KIF5C: variants seen among roughly 807,000 people sequenced by gnomAD.
KIF5C encodes kinesin family member 5C, also known as kinesin heavy chain isoform 5C.
Under a neutral mutation model 125.2 loss-of-function variants are expected in KIF5C, and 18 were observed. The observed-to-expected ratio is 0.14, with a 90% confidence interval of 0.10 to 0.21. KIF5C has a LOEUF of 0.21. Ranked by LOEUF, KIF5C falls within the 10% of genes least tolerant of loss-of-function variation. The probability of loss-of-function intolerance (pLI) is 1.00; values close to 1 mark genes in which losing one functional copy is unlikely to be tolerated. For synonymous variants in KIF5C, 405 were observed against 434.0 expected (o/e 0.93, Z 0.83); for missense variants, 780 against 1,183.8 (o/e 0.66, Z 5.01).
In KIF5C at chr2:148,924,862, C is replaced by A. The variant is rs1681929377; in HGVS notation, c.217+2635C>A. ...TTAAAATTCATTCATTCAGTTGTTT[C>A]TTTTAATCATTCATTTCTGTAAGTA... On this transcript the variant is annotated intron_variant, in intron 2 of 25. Transcript: ENST00000435030. This position sits in a 1 kb window ranked among gnomAD's most constrained non-coding sequence, Gnocchi z 4.0. 6.6e-6 allele frequency among the ~76,000 whole-genome samples: 1 copy of A among 152,268 alleles called. No individual in the cohort carries two copies. The highest frequency in any genetic ancestry group is 2.4e-5 in the African/African-American group (1 of 41,546).
intron 17 of KIF5C, among the ~76,000 whole-genome samples, chr2:148,996,450 C>T (rs1250965196): frequency 2.0e-5 from 3 of 152,246 alleles, no homozygotes; most frequent in Admixed American, 2.0e-4. Flanking sequence ...TTCTCTCTTG[C>T]ATCCGGTGGT....
intron 15 of KIF5C, among the ~76,000 whole-genome samples, chr2:148,988,469 A>C (rs1681442696): frequency 6.6e-6 from 1 of 152,170 alleles, no homozygotes; most frequent in African/African-American, 2.4e-5. Context: ...TAAAAGACAA[A>C]GTGTCCTACT....
At chr2:148,970,685 A>G (rs974331671) in intron 11 of KIF5C, among the ~76,000 whole-genome samples, 1 of 152,184 alleles carries the variant, frequency 6.6e-6, no homozygotes, top group African/African-American at 2.4e-5. Context: ...TAATGGGAGA[A>G]GAGGGCAGCT....
chr2:148,924,906 G>T lies in KIF5C; in HGVS notation c.217+2679G>T, dbSNP rs1681931453. On this transcript the variant is annotated intron_variant, in intron 2 of 25. Coordinates refer to ENST00000435030, the MANE Select transcript of KIF5C (RefSeq NM_004522.3). This position sits in a 1 kb window ranked among gnomAD's most constrained non-coding sequence, Gnocchi z 4.0. ...GTAAGTAGTAATAAGTACTTACCGT[G>T]GGGTAAGCAGTGCTGGGACTGGAGT... 6.6e-6 allele frequency among the ~76,000 whole-genome samples: 1 copy of T among 152,150 alleles called. No individual in the cohort carries two copies. The highest frequency in any genetic ancestry group is 1.5e-5 in the Non-Finnish European group (1 of 68,036).
At chr2:148,973,166 A>G (rs1266045278) in intron 11 of KIF5C, among the ~76,000 whole-genome samples, 170 bp from the exon 12 acceptor site, 13 of 152,150 alleles carry the variant, frequency 8.5e-5, no homozygotes, top group Admixed American at 7.9e-4. Flanking sequence ...TGGCCAATTA[A>G]CTAAGACCTT....
chr2:148,935,703 C>T (rs139412970), intron 3 of KIF5C, among the ~76,000 whole-genome samples: 229 of 152,238 alleles, frequency 1.5e-3, no homozygotes, highest in African/African-American at 5.2e-3. Context: ...ATAATTTCTT[C>T]GTGAAAACCT....
At chr2:148,946,381 C>T (rs1007100457) in intron 7 of KIF5C, among the ~76,000 whole-genome samples, 1 of 152,140 alleles carries the variant, frequency 6.6e-6, no homozygotes, top group African/African-American at 2.4e-5. Flanking sequence ...ATTTTTGAAA[C>T]CTTCTTTGCT....
intron 12 of KIF5C, among the ~76,000 whole-genome samples, chr2:148,975,432 G>A (rs1302276039): frequency 2.0e-5 from 3 of 152,174 alleles, no homozygotes; most frequent in Non-Finnish European, 4.4e-5. Context: ...TTTGGGTGAG[G>A]CACTAGCCCA....
At chr2:148,960,673 A>G (rs556928990) in intron 10 of KIF5C, among the ~76,000 whole-genome samples, 20 of 152,304 alleles carry the variant, frequency 1.3e-4, no homozygotes, top group African/African-American at 4.6e-4. Flanking sequence ...TTAGCAATGA[A>G]TTTTTGGAAT....
At chr2:148,988,612 C>A (rs1443855706) in intron 15 of KIF5C, among the ~76,000 whole-genome samples, 1 of 152,186 alleles carries the variant, frequency 6.6e-6, no homozygotes, top group Admixed American at 6.5e-5. Context: ...TTTACTTTGT[C>A]TTTCTGCAGA....
intron 1 of KIF5C, chr2:148,888,215 G>A (rs1681606030): frequency 6.6e-6 from 1 of 152,266 alleles, no homozygotes; most frequent in South Asian, 2.1e-4. Context: ...CTCCTCGGGG[G>A]TCGCCTCTGC....
chr2:148,881,359 C>T (rs1181109020), intron 1 of KIF5C, among the ~76,000 whole-genome samples: 2 of 152,028 alleles, frequency 1.3e-5, no homozygotes, highest in Non-Finnish European at 2.9e-5. Context: ...GTTAGCTGTT[C>T]CTTTGTGATC....
At chr2:148,955,302 C>T (rs6722730) in intron 10 of KIF5C, among the ~76,000 whole-genome samples, 21,101 of 152,156 alleles carry the variant, frequency 0.14, 2,236 homozygotes, top group African/African-American at 0.29. Flanking sequence ...CAAATCGAGG[C>T]GTTGCTGTGA....
intron 19 of KIF5C, among the ~76,000 whole-genome samples, chr2:148,999,496 A>G (rs1033249096): frequency 8.5e-5 from 13 of 152,226 alleles, no homozygotes; most frequent in Admixed American, 7.8e-4. Flanking sequence ...AAAAGTCTAA[A>G]TGGTGTGACC....
At chr2:149,007,822 T>A in intron 22 of KIF5C, 141 bp from the exon 23 acceptor site, 1 of 991,904 alleles carries the variant, frequency 1.0e-6, no homozygotes, top group Non-Finnish European at 1.3e-6. Context: ...ATTTCTTGAG[T>A]CTAAACTTTT....
chr2:148,928,650 G>A (rs1170412342), intron 2 of KIF5C, among the ~76,000 whole-genome samples: 1 of 152,134 alleles, frequency 6.6e-6, no homozygotes, highest in Non-Finnish European at 1.5e-5. Context: ...ATGGGCCTGG[G>A]CTGGCTTGTT....
chr2:149,019,123 G>C (rs1682455495), intron 25 of KIF5C, among the ~76,000 whole-genome samples: 1 of 152,162 alleles, frequency 6.6e-6, no homozygotes, highest in African/African-American at 2.4e-5. Flanking sequence ...TCTGCATTCT[G>C]TCTGTTGCGG....
At chr2:148,886,095 G>A (rs1375349401) in intron 1 of KIF5C, 2 of 152,212 alleles carry the variant, frequency 1.3e-5, no homozygotes, top group East Asian at 3.8e-4. Flanking sequence ...AGAAACTTTG[G>A]ATAGTCATGG....
chr2:148,936,873 A>G (rs1159423544), intron 3 of KIF5C, among the ~76,000 whole-genome samples: 3 of 152,282 alleles, frequency 2.0e-5, no homozygotes, highest in African/African-American at 7.2e-5. Context: ...ATTAAACAAG[A>G]TTGCCTTACT....
Sources: allele counts gnomAD v4.1 joint callset (sites outside exome capture counted in the v4.1 genomes callset), GRCh38; gene constraint gnomAD v4.1.1; non-coding constraint Gnocchi (gnomAD v3.1); transcripts MANE v1.5; gene names NCBI Gene and HGNC (gene_info 2026-07-23, HGNC 2026-07-21).